The following PTPRO variants were observed in gnomAD, a reference collection of about 807,000 sequenced individuals.
The protein encoded by PTPRO is receptor-type tyrosine-protein phosphatase O.
In PTPRO, 62 loss-of-function variants were observed where a neutral mutation model predicts 145.2. The observed-to-expected ratio is 0.43, with a 90% CI of 0.35 to 0.53. The LOEUF (loss-of-function observed/expected upper bound fraction) is 0.53. Ranked by LOEUF, PTPRO falls within the 20% of genes least tolerant of loss-of-function variation. The probability of loss-of-function intolerance (pLI) is 0.01; values close to 1 mark genes in which losing one functional copy is unlikely to be tolerated. For synonymous variants in PTPRO, 565 were observed against 514.7 expected (o/e 1.10, Z -1.32); for missense variants, 1,345 against 1,482.7 (o/e 0.91, Z 1.53).
intron 13 of PTPRO, among the ~76,000 whole-genome samples, chr12:15,548,202 T>TAA (rs61334908): frequency 1.3e-5 from 2 of 149,620 alleles, no homozygotes; most frequent in Admixed American, 6.7e-5. Flanking sequence ...TCACTTACGG[T>TAA]AAAAAAAAAA....
chr12:15,338,747 C>T (rs1014510502), intron 1 of PTPRO, among the ~76,000 whole-genome samples: 6 of 151,946 alleles, frequency 3.9e-5, no homozygotes, highest in Admixed American at 2.0e-4. Context: ...ATAAATAAGT[C>T]TGAACAAAAT....
At chr12:15,385,203 C>T (rs990015984) in intron 1 of PTPRO, among the ~76,000 whole-genome samples, 1 of 152,108 alleles carries the variant, frequency 6.6e-6, no homozygotes, top group Non-Finnish European at 1.5e-5. Context: ...CCAGAATCCT[C>T]CAGATACAAA....
chr12:15,405,103 C>T (rs1214992145), intron 1 of PTPRO, among the ~76,000 whole-genome samples: 1 of 152,184 alleles, frequency 6.6e-6, no homozygotes, highest in Non-Finnish European at 1.5e-5. Context: ...CAAATATCAT[C>T]ACATGGGGGA....
At chr12:15,445,122 G>A (rs1028185889) in intron 1 of PTPRO, among the ~76,000 whole-genome samples, 10 of 152,078 alleles carry the variant, frequency 6.6e-5, no homozygotes, top group African/African-American at 2.4e-4. Context: ...AAAACAGTAT[G>A]ATCCCACTTT....
intron 16 of PTPRO, among the ~76,000 whole-genome samples, chr12:15,557,909 ATATTT>A (rs1309993503): frequency 9.9e-5 from 15 of 151,858 alleles, no homozygotes; most frequent in South Asian, 4.2e-4. Context: ...ATTTTATTTT[ATATTT>A]TATTTTATTT....
intron 12 of PTPRO, 192 bp from the exon 13 acceptor site, chr12:15,546,377 G>T (rs1185257757): frequency 7.7e-6 from 11 of 1,421,968 alleles, no homozygotes; most frequent in Middle Eastern, 2.6e-4. Context: ...AGGGGGAAAA[G>T]GCAAAGTATT....
chr12:15,505,560 T>C (rs747546924), intron 6 of PTPRO, among the ~76,000 whole-genome samples: 1 of 152,152 alleles, frequency 6.6e-6, no homozygotes, highest in Non-Finnish European at 1.5e-5. Flanking sequence ...AGAAGTTTTG[T>C]TTTTTCTCTG....
In PTPRO at chr12:15,361,309, C is replaced by T. The variant is rs561574225; in HGVS notation, c.75+38508C>T. On this transcript the variant is annotated intron_variant, in intron 1 of 26. Coordinates refer to ENST00000281171, the MANE Select transcript of PTPRO (RefSeq NM_030667.3). ...CAAAAATTAGCCTGGCGTAGTGGCTCATGCCTGTAATCTCAACTACTCGGG... is the reference window on the plus strand; with the variant it reads ...CAAAAATTAGCCTGGCGTAGTGGCTTATGCCTGTAATCTCAACTACTCGGG... 1.5e-3 allele frequency among the ~76,000 whole-genome samples: 229 copies of T among 151,540 alleles called. 2 individuals are homozygous for T. Among genetic ancestry groups the T allele is most frequent in the Non-Finnish European group, 1.1e-3 (76 of 67,820 alleles).
intron 1 of PTPRO, among the ~76,000 whole-genome samples, chr12:15,417,388 A>G (rs539637235): frequency 6.6e-6 from 1 of 151,976 alleles, no homozygotes; most frequent in South Asian, 2.1e-4. Context: ...AACTCTGAAC[A>G]CAAACAGCTT....
chr12:15,412,810 T>C (rs1019963367), intron 1 of PTPRO, among the ~76,000 whole-genome samples: 20 of 152,236 alleles, frequency 1.3e-4, no homozygotes, highest in African/African-American at 4.8e-4. Flanking sequence ...TTTTTGTTTT[T>C]TGAGATGGAC....
chr12:15,446,656 A>G (rs1940910233), intron 1 of PTPRO, among the ~76,000 whole-genome samples: 1 of 151,890 alleles, frequency 6.6e-6, no homozygotes, highest in African/African-American at 2.4e-5. Context: ...AACATATAGT[A>G]AGCAAGTTAC....
intron 1 of PTPRO, among the ~76,000 whole-genome samples, chr12:15,440,639 T>C (rs1940737293): frequency 1.3e-5 from 2 of 152,098 alleles, no homozygotes; most frequent in African/African-American, 4.8e-5. Context: ...GGCAGGCAGA[T>C]CACTTGAGCC....
At chr12:15,330,952 G>A (rs574401157) in intron 1 of PTPRO, among the ~76,000 whole-genome samples, 9 of 152,178 alleles carry the variant, frequency 5.9e-5, no homozygotes, top group African/African-American at 1.9e-4. Flanking sequence ...TGAGTTTGAA[G>A]CAGTTGAAAA....
intron 2 of PTPRO, among the ~76,000 whole-genome samples, chr12:15,485,882 C>T (rs150369163): frequency 2.6e-5 from 4 of 152,248 alleles, no homozygotes; most frequent in African/African-American, 9.6e-5. Flanking sequence ...ATTTTGCAGA[C>T]ATCTTTTTTC....
At chr12:15,375,526 G>T (rs1166644731) in intron 1 of PTPRO, among the ~76,000 whole-genome samples, 3 of 152,140 alleles carry the variant, frequency 2.0e-5, no homozygotes, top group Non-Finnish European at 4.4e-5. Context: ...GGGAGGCCAA[G>T]GTGGGTGGAT....
chr12:15,360,320 A>G (rs559397593), intron 1 of PTPRO, among the ~76,000 whole-genome samples: 3 of 152,224 alleles, frequency 2.0e-5, no homozygotes, highest in Non-Finnish European at 4.4e-5. Flanking sequence ...AAGAAGAGTG[A>G]CCTGAGACTA....
intron 1 of PTPRO, among the ~76,000 whole-genome samples, chr12:15,389,844 T>C (rs1939140019): frequency 6.6e-6 from 1 of 152,352 alleles, no homozygotes; most frequent in African/African-American, 2.4e-5. Context: ...ATTGGACTTA[T>C]TTGATCCTTC....
chr12:15,535,061 C>T (rs1943039948), intron 12 of PTPRO, among the ~76,000 whole-genome samples: 1 of 152,090 alleles, frequency 6.6e-6, no homozygotes, highest in African/African-American at 2.4e-5. Context: ...GACTCCCAGG[C>T]TTCACCCTTG....
chr12:15,436,153 A>G (rs1260065677), intron 1 of PTPRO, among the ~76,000 whole-genome samples: 2 of 152,208 alleles, frequency 1.3e-5, no homozygotes, highest in African/African-American at 4.8e-5. Context: ...TTATAGCACT[A>G]CATGCCCACA....
Sources: gnomAD v4.1 joint callset for allele counts (sites outside exome capture counted in the v4.1 genomes callset) on GRCh38, gnomAD v4.1.1 for gene constraint, MANE v1.5 for transcripts, NCBI Gene and HGNC (gene_info 2026-07-23, HGNC 2026-07-21) for gene names.